SPAG1: variants seen among roughly 807,000 people sequenced by gnomAD.
The protein encoded by SPAG1 is sperm associated antigen 1.
SPAG1 carries 69 observed loss-of-function variants against 100.5 expected under a neutral mutation model. The observed-to-expected ratio is 0.69, with a 90% confidence interval of 0.57 to 0.84. SPAG1 has a LOEUF of 0.84. Among genes scored for constraint, SPAG1 ranks in the 40% least tolerant of loss-of-function variants. The pLI is 0.00. For synonymous variants in SPAG1, 336 were observed against 411.6 expected, an observed-to-expected ratio of 0.82 and a Z score of 2.22; for missense variants, 955 against 1,133.1, an observed-to-expected ratio of 0.84 and a Z score of 2.26.
chr8:100,192,290 C>T (rs909212461), intron 9 of SPAG1, among the ~76,000 whole-genome samples: 4 of 152,134 alleles, frequency 2.6e-5, no homozygotes, highest in African/African-American at 9.7e-5. Context: ...CACTGCACTC[C>T]AACTGGGGCA....
intron 3 of SPAG1, among the ~76,000 whole-genome samples, chr8:100,168,512 G>C (rs1228680161): frequency 6.6e-6 from 1 of 151,264 alleles, no homozygotes; most frequent in Non-Finnish European, 1.5e-5. Context: ...TCCCACTTCA[G>C]CCTTCAGAGT....
intron 10 of SPAG1, among the ~76,000 whole-genome samples, chr8:100,207,537 G>C (rs1443512695): frequency 1.3e-5 from 2 of 152,208 alleles, no homozygotes; most frequent in Admixed American, 1.3e-4. Context: ...TTCCCAGTGG[G>C]CAGAACTTCA....
At chr8:100,159,772 C>G (rs1319002317) in intron 1 of SPAG1, among the ~76,000 whole-genome samples, 1 of 152,162 alleles carries the variant, frequency 6.6e-6, no homozygotes, top group Non-Finnish European at 1.5e-5. Context: ...TTGCAACTCA[C>G]TAAATTTATT....
chr8:100,214,759 G>C (rs1817890258), intron 12 of SPAG1, among the ~76,000 whole-genome samples: 1 of 151,982 alleles, frequency 6.6e-6, no homozygotes, highest in African/African-American at 2.4e-5. Context: ...AAGGTGGGTG[G>C]ATTGCTTGAG....
chr8:100,183,969 A>T lies in SPAG1; in HGVS notation c.502A>T (p.Lys168Ter), dbSNP rs761732340. The change falls in exon 6 of 19, where the codon AAG (lysine) becomes TAG (stop). Residue 168 changes from lysine to a stop codon, truncating the protein, a stop_gained. Coordinates refer to ENST00000388798, the MANE Select transcript of SPAG1 (RefSeq NM_003114.5). LOFTEE classifies it high-confidence loss of function. ...CTTTCATTTAAGATTTGACGTGGAG[A>T]AGGAATGTTTAAAAATTGATGAAGA... ...YAEWDKFDVE[K>*]ECLKIDEDYK... 1 of 1,521,542 alleles carries T rather than the reference A, an allele frequency of 6.6e-7. No individual in the cohort carries two copies. Among genetic ancestry groups the T allele is most frequent in the South Asian group, 1.3e-5 (1 of 79,810 alleles). The allele number at this position is 1,521,542 out of a possible 1,614,324, so 94.3% of individuals were successfully genotyped here.
At chr8:100,219,625 T>C (rs1265255354) in intron 12 of SPAG1, among the ~76,000 whole-genome samples, 2 of 152,236 alleles carry the variant, frequency 1.3e-5, no homozygotes, top group African/African-American at 4.8e-5. Flanking sequence ...CAGAATATAA[T>C]GAAGTACGTT....
rs200922415 is a variant in SPAG1, at chr8:100,165,997, A to G, written c.300+24A>G. Reference sequence around the variant, plus strand: ...AGGTATATAGTAATACCAATTTTCCATAGATATTGTTGAGACATTCTATAT... The same window carrying G: ...AGGTATATAGTAATACCAATTTTCCGTAGATATTGTTGAGACATTCTATAT... On this transcript the variant is annotated intron_variant, in intron 3 of 18. Transcript: ENST00000388798. 350 of 1,577,270 alleles carry G rather than the reference A, an allele frequency of 2.2e-4. 2 individuals are homozygous for G. In the Middle Eastern group the frequency reaches 0.01, roughly 46 times the overall value.
intron 11 of SPAG1, 131 bp from the exon 12 acceptor site, chr8:100,213,688 G>A (rs1817843185): frequency 3.3e-6 from 2 of 613,760 alleles, no homozygotes; most frequent in African/African-American, 3.8e-5. Context: ...TAGCAGCTCC[G>A]TGGAGTTCTG....
chr8:100,165,699 A>G, intron 2 of SPAG1, 115 bp from the exon 3 acceptor site: 2 of 689,694 alleles, frequency 2.9e-6, no homozygotes, highest in Admixed American at 3.0e-5. Flanking sequence ...ACTGGGAAGC[A>G]GCCCTTGAGA....
Position 100,183,943 on chromosome 8 carries a change from T to A in SPAG1, c.489-13T>A. The A allele has an allele frequency of 7.3e-7, 1 of 1,373,212 alleles. No individual in the cohort carries two copies. Among genetic ancestry groups the A allele is most frequent in the Non-Finnish European group, 1.0e-6 (1 of 998,074 alleles). The allele number at this position is 1,373,212 out of a possible 1,614,324, so 85.1% of individuals were successfully genotyped here. On this transcript the variant is annotated splice_polypyrimidine_tract_variant and intron_variant, in intron 5 of 18. Transcript: ENST00000388798. Reference sequence around the variant, plus strand: ...ATTGTACTTTTTTGGTTTTTATTGTTCTTTCATTTAAGATTTGACGTGGAG... The same window carrying A: ...ATTGTACTTTTTTGGTTTTTATTGTACTTTCATTTAAGATTTGACGTGGAG...
At chr8:100,200,963 C>A (rs1454625285) in intron 10 of SPAG1, among the ~76,000 whole-genome samples, 1 of 151,526 alleles carries the variant, frequency 6.6e-6, no homozygotes, top group Non-Finnish European at 1.5e-5. Flanking sequence ...ATATGAAGTC[C>A]AATTTTTTTT....
At chr8:100,202,484 G>A (rs530086992) in intron 10 of SPAG1, among the ~76,000 whole-genome samples, 1 of 151,538 alleles carries the variant, frequency 6.6e-6, no homozygotes, top group South Asian at 2.1e-4. Context: ...GCCGAGGCGG[G>A]CGGATCACGA....
intron 10 of SPAG1, among the ~76,000 whole-genome samples, chr8:100,203,312 T>G (rs931629555): frequency 1.3e-5 from 2 of 152,154 alleles, no homozygotes; most frequent in Admixed American, 6.5e-5. Context: ...TTGTGAAAGT[T>G]AATACTGAAT....
At chr8:100,167,427 AC>A (rs1410407295) in intron 3 of SPAG1, among the ~76,000 whole-genome samples, 1 of 152,196 alleles carries the variant, frequency 6.6e-6, no homozygotes, top group African/African-American at 2.4e-5. Flanking sequence ...ACAATAAAAA[AC>A]AGAACAATTA....
chr8:100,201,850 C>G (rs1388061808), intron 10 of SPAG1, among the ~76,000 whole-genome samples: 1 of 152,144 alleles, frequency 6.6e-6, no homozygotes, highest in East Asian at 1.9e-4. Context: ...GCCTGGCCAC[C>G]CTAGGCACCT....
At position 100,199,670 on chromosome 8, in the gene SPAG1, C is replaced by T. The variant is rs191832932; in HGVS notation, c.1096+5402C>T. ...TCATGTTGGCCAGGCTGGTCTTGAA[C>T]CCCTGACCTCAGGTGATCCACCTGC... On this transcript the variant is annotated intron_variant, in intron 10 of 18. Transcript: ENST00000388798. Among the ~76,000 whole-genome samples, 601 of 152,288 alleles carry T rather than the reference C, an allele frequency of 3.9e-3. 3 individuals are homozygous for T. Among genetic ancestry groups the T allele is most frequent in the Non-Finnish European group, 5.7e-3 (387 of 68,022 alleles).
At chr8:100,198,551 T>C (rs1817130887) in intron 10 of SPAG1, among the ~76,000 whole-genome samples, 1 of 152,244 alleles carries the variant, frequency 6.6e-6, no homozygotes, top group South Asian at 2.1e-4. Flanking sequence ...AAATATTCTT[T>C]TTCTTTCCTA....
At chr8:100,193,772 C>T (rs1039827813) in intron 9 of SPAG1, among the ~76,000 whole-genome samples, 8 of 151,764 alleles carry the variant, frequency 5.3e-5, no homozygotes, top group African/African-American at 1.7e-4. Context: ...AAACAAACAG[C>T]GTATGTAGCA....
chr8:100,225,860 G>C (rs971849350), intron 14 of SPAG1, among the ~76,000 whole-genome samples: 1 of 151,714 alleles, frequency 6.6e-6, no homozygotes, highest in Non-Finnish European at 1.5e-5. Flanking sequence ...TGAGACAGGG[G>C]CTTGCTCTGT....
Sources: gnomAD v4.1 joint callset for allele counts (sites outside exome capture counted in the v4.1 genomes callset) on GRCh38, gnomAD v4.1.1 for gene constraint, MANE v1.5 for transcripts, NCBI Gene and HGNC (gene_info 2026-07-23, HGNC 2026-07-21) for gene names.